The following ADIPOR2 variants were observed in gnomAD, a reference collection of about 807,000 sequenced individuals.
The protein encoded by ADIPOR2 is adiponectin receptor protein 2.
In ADIPOR2, 18 loss-of-function variants were observed where a neutral mutation model predicts 40.9. The ratio of observed to expected loss-of-function variants is 0.44; its 90% confidence interval spans 0.30 to 0.65. ADIPOR2 has a LOEUF of 0.65. ADIPOR2 is among the 30% of genes least tolerant of loss of function. ADIPOR2 has a pLI of 0.09. For missense variants in ADIPOR2, 283 were observed against 479.2 expected (o/e 0.59, Z 3.82); for synonymous variants, 165 against 166.4 (o/e 0.99, Z 0.06).
chr12:1,773,091 G>A (rs1024063436), intron 3 of ADIPOR2, 130 bp downstream of exon 3: 77 of 1,198,134 alleles, frequency 6.4e-5, no homozygotes, highest in Admixed American at 8.9e-5. Context: ...GATGGGGACA[G>A]AAGTGGTCTT....
chr12:1,765,279 A>G (rs938562037), intron 2 of ADIPOR2, among the ~76,000 whole-genome samples: 4 of 152,208 alleles, frequency 2.6e-5, no homozygotes, highest in African/African-American at 9.6e-5. Flanking sequence ...TGAATATGAG[A>G]CATTTATTCA....
At chr12:1,704,077 T>TTG (rs1491441462) in intron 1 of ADIPOR2, among the ~76,000 whole-genome samples, 4 of 132,996 alleles carry the variant, frequency 3.0e-5, no homozygotes, top group Non-Finnish European at 6.8e-5. Context: ...TTTTTTTTTT[T>TTG]GGTGTGTGAT....
chr12:1,716,664 A>G (rs1009649807), intron 1 of ADIPOR2, among the ~76,000 whole-genome samples: 3 of 152,236 alleles, frequency 2.0e-5, no homozygotes, highest in Non-Finnish European at 4.4e-5. Flanking sequence ...CATCTAGAAG[A>G]TGCATCTGGT....
chr12:1,785,419 T>G (rs1029724562), intron 7 of ADIPOR2, among the ~76,000 whole-genome samples: 2 of 152,196 alleles, frequency 1.3e-5, no homozygotes, highest in African/African-American at 4.8e-5. Flanking sequence ...GGGGACCATA[T>G]GTTGTGACAT....
intron 1 of ADIPOR2, among the ~76,000 whole-genome samples, chr12:1,735,902 G>T (rs1353066253): frequency 6.6e-6 from 1 of 152,198 alleles, no homozygotes; most frequent in Non-Finnish European, 1.5e-5. Flanking sequence ...TACGTTTATT[G>T]ATTTGCGTAT....
chr12:1,742,501 C>T (rs1402315749), intron 1 of ADIPOR2, among the ~76,000 whole-genome samples: 1 of 152,218 alleles, frequency 6.6e-6, no homozygotes, highest in Non-Finnish European at 1.5e-5. Flanking sequence ...TTCAGAGATG[C>T]ACAGTAATTC....
intron 1 of ADIPOR2, among the ~76,000 whole-genome samples, chr12:1,698,625 G>A (rs1455726051): frequency 1.3e-5 from 2 of 152,102 alleles, no homozygotes; most frequent in African/African-American, 2.4e-5. Flanking sequence ...AAATGGATAT[G>A]CTATAACTTA....
chr12:1,735,993 T>C (rs2094729686), intron 1 of ADIPOR2, among the ~76,000 whole-genome samples: 1 of 152,226 alleles, frequency 6.6e-6, no homozygotes, highest in African/African-American at 2.4e-5. Flanking sequence ...TGGATTCGGT[T>C]TGCCAGTATT....
chr12:1,779,194 C>G (rs1862661692), intron 4 of ADIPOR2, among the ~76,000 whole-genome samples: 1 of 152,138 alleles, frequency 6.6e-6, no homozygotes, highest in African/African-American at 2.4e-5. Context: ...TGACTGAAAA[C>G]ATGTTCACAT....
intron 1 of ADIPOR2, among the ~76,000 whole-genome samples, chr12:1,710,526 G>A (rs1007666845): frequency 3.3e-5 from 5 of 151,778 alleles, no homozygotes; most frequent in African/African-American, 9.7e-5. Flanking sequence ...GGCACCTGTC[G>A]GCCAGTTAAA....
In ADIPOR2 at chr12:1,780,578, T is replaced by C. The variant is rs1458131569; in HGVS notation, c.591T>C (p.Phe197=). 2 of 1,613,806 alleles carry C rather than the reference T, an allele frequency of 1.2e-6. No individual in the cohort carries two copies. The highest frequency in any genetic ancestry group is 1.1e-5 in the South Asian group (1 of 91,024). The part of the protein sequence containing the change: ...FFLGAILCLS[F]SWLFHTVYCH... ...TAGGAGCCATTCTCTGCCTTTCTTT[T>C]TCATGGCTCTTCCACACAGTCTACT... Residue 197 remains phenylalanine (F), a synonymous_variant, in exon 5 of 8, where the codon TTT becomes TTC. Transcript: ENST00000357103.
intron 1 of ADIPOR2, among the ~76,000 whole-genome samples, chr12:1,716,532 A>G (rs944356993): frequency 1.3e-5 from 2 of 152,240 alleles, no homozygotes; most frequent in African/African-American, 4.8e-5. Context: ...AATAAAAAAT[A>G]ATGCATTTAC....
intron 1 of ADIPOR2, among the ~76,000 whole-genome samples, chr12:1,738,565 A>C (rs1193687741): frequency 6.6e-6 from 1 of 152,186 alleles, no homozygotes; most frequent in African/African-American, 2.4e-5. Context: ...CCAGAGCCTA[A>C]AATAATAAAA....
chr12:1,711,007 TTGA>T (rs1288746978), intron 1 of ADIPOR2, among the ~76,000 whole-genome samples: 1 of 152,128 alleles, frequency 6.6e-6, no homozygotes. Context: ...GTATAAGAGT[TTGA>T]AAGGCGTTGT....
chr12:1,743,673 A>G (rs1470995977), intron 1 of ADIPOR2, among the ~76,000 whole-genome samples: 1 of 152,148 alleles, frequency 6.6e-6, no homozygotes, highest in Non-Finnish European at 1.5e-5. Context: ...TAAAAATATT[A>G]AATTAAAAAA....
intron 1 of ADIPOR2, among the ~76,000 whole-genome samples, chr12:1,721,145 G>A (rs150721638): frequency 0.012 from 1,764 of 149,486 alleles, 97 homozygotes; most frequent in Admixed American, 0.099. Context: ...AGCACATGTT[G>A]TCAGGACTTC....
chr12:1,715,543 G>A (rs918646730), intron 1 of ADIPOR2, among the ~76,000 whole-genome samples: 10 of 152,128 alleles, frequency 6.6e-5, no homozygotes, highest in African/African-American at 2.4e-5. Context: ...TTTAAAAACC[G>A]GACCATTGTC....
intron 7 of ADIPOR2, among the ~76,000 whole-genome samples, chr12:1,784,607 T>G (rs964234120): frequency 2.6e-5 from 4 of 152,138 alleles, no homozygotes; most frequent in Admixed American, 2.6e-4. Flanking sequence ...ATACCGAAAT[T>G]TAGTGATTTG....
intron 1 of ADIPOR2, among the ~76,000 whole-genome samples, chr12:1,731,707 C>T (rs947133439): frequency 6.6e-6 from 1 of 152,190 alleles, no homozygotes; most frequent in Non-Finnish European, 1.5e-5. Context: ...TCCCTGTAAT[C>T]CCAGCCCTTT....
Sources: gnomAD v4.1 joint callset for allele counts (sites outside exome capture counted in the v4.1 genomes callset) on GRCh38, gnomAD v4.1.1 for gene constraint, MANE v1.5 for transcripts, NCBI Gene and HGNC (gene_info 2026-07-23, HGNC 2026-07-21) for gene names.